Variants in AP3B1 observed in about 807,000 individuals in gnomAD.
AP3B1 encodes the protein adaptor related protein complex 3 subunit beta 1.
Under a neutral mutation model 132.5 loss-of-function variants are expected in AP3B1, and 61 were observed. That is an observed-to-expected ratio of 0.46 (90% CI 0.37 to 0.57). AP3B1 has a LOEUF of 0.57. Ranked by LOEUF, AP3B1 falls within the 20% of genes least tolerant of loss-of-function variation. The pLI is 0.00. For synonymous variants in AP3B1, 388 were observed against 438.3 expected (o/e 0.89, Z 1.43); for missense variants, 1,120 against 1,289.4 (o/e 0.87, Z 2.01).
chr5:78,015,695 T>C (rs754109564), intron 25 of AP3B1, 147 bp from the exon 26 acceptor site: 1 of 751,712 alleles, frequency 1.3e-6, no homozygotes, highest in South Asian at 1.8e-5. Context: ...ATTATAAAAC[T>C]AAAACAAAAT....
At chr5:78,057,520 A>G (rs113469737) in intron 22 of AP3B1, among the ~76,000 whole-genome samples, 75 of 152,290 alleles carry the variant, frequency 4.9e-4, no homozygotes, top group Middle Eastern at 3.4e-3. Flanking sequence ...TCATTTTAAG[A>G]ACAGGATTTC....
intron 7 of AP3B1, among the ~76,000 whole-genome samples, chr5:78,210,601 T>C (rs192313061): frequency 6.6e-6 from 1 of 152,292 alleles, no homozygotes; most frequent in East Asian, 1.9e-4. Flanking sequence ...AAAATAATGG[T>C]AAATATTTAG....
chr5:78,141,174 C>A lies in AP3B1; in HGVS notation c.1619G>T (p.Gly540Val). 6.2e-7 allele frequency: 1 copy of A among 1,613,676 alleles called. No individual in the cohort carries two copies. Among genetic ancestry groups the A allele is most frequent in the Non-Finnish European group, 8.5e-7 (1 of 1,179,706 alleles). Residue 540 changes from glycine (G) to valine (V), a missense_variant, in exon 15 of 27, where the codon GGA (glycine) becomes GTA (valine). By Grantham distance (109) the Gly-to-Val change is moderately radical. Transcript: ENST00000255194. ...DLVKLQILNL[G>V]AKLYLTNSKQ... ...GGAGTTGGTTAAATACAATTTTGCT[C>A]CCAGATTTAATATCTGCAGTTTTAC...
intron 21 of AP3B1, among the ~76,000 whole-genome samples, chr5:78,095,821 C>G (rs973031307): frequency 6.6e-6 from 1 of 152,072 alleles, no homozygotes; most frequent in African/African-American, 2.4e-5. Flanking sequence ...TTTCAAGTGT[C>G]GTTTCTGACA....
intron 20 of AP3B1, among the ~76,000 whole-genome samples, chr5:78,108,737 C>T (rs1049883789): frequency 6.6e-6 from 1 of 152,130 alleles, no homozygotes; most frequent in Non-Finnish European, 1.5e-5. Context: ...AATCACTGAC[C>T]TGGAGTGCCC....
chr5:78,181,674 G>C lies in AP3B1; in HGVS notation c.787-12C>G. ...TCTAATTCATCACCCTACAATGAAA[G>C]AAATCCAACCCAAGATTACTTTAGA... On this transcript the variant is annotated splice_polypyrimidine_tract_variant and intron_variant, in intron 7 of 26. Transcript: ENST00000255194. 1.2e-6 allele frequency: 2 copies of C among 1,609,902 alleles called. No individual in the cohort carries two copies. Among genetic ancestry groups the C allele is most frequent in the Non-Finnish European group, 1.7e-6 (2 of 1,178,928 alleles).
chr5:78,177,553 G>A (rs536017552), intron 8 of AP3B1, 117 bp from the exon 9 acceptor site: 1 of 797,700 alleles, frequency 1.3e-6, no homozygotes, highest in East Asian at 2.7e-5. Flanking sequence ...GACGTAAAAT[G>A]GAATGTTACT....
At chr5:78,225,709 G>A in intron 5 of AP3B1, 101 bp from the exon 6 acceptor site, 1 of 709,082 alleles carries the variant, frequency 1.4e-6, no homozygotes, top group Non-Finnish European at 2.5e-6. Flanking sequence ...AAGAGGGAAA[G>A]GAGAGCAAGA....
intron 22 of AP3B1, among the ~76,000 whole-genome samples, chr5:78,055,845 T>C (rs553731977): frequency 1.4e-4 from 22 of 152,320 alleles, no homozygotes; most frequent in African/African-American, 5.3e-4. Flanking sequence ...AGAATTGTCT[T>C]TAAAATATCA....
intron 3 of AP3B1, among the ~76,000 whole-genome samples, chr5:78,240,613 C>T (rs1747088156): frequency 6.6e-6 from 1 of 152,156 alleles, no homozygotes. Flanking sequence ...CAGGTGAAAA[C>T]TCGACAACTT....
chr5:78,015,655 A>C, intron 25 of AP3B1, 107 bp from the exon 26 acceptor site: 1 of 1,045,530 alleles, frequency 9.6e-7, no homozygotes, highest in Non-Finnish European at 1.4e-6. Flanking sequence ...AACAAAAGAA[A>C]CACTACTTTA....
At chr5:78,191,354 CAAAAAAAAAAA>C (rs34733864) in intron 7 of AP3B1, among the ~76,000 whole-genome samples, 4,352 of 73,082 alleles carry the variant, frequency 0.06, 177 homozygotes, top group East Asian at 0.24. Flanking sequence ...TGCTTTTCCC[CAAAAAAAAAAA>C]AAAAAAAAAA....
intron 24 of AP3B1, among the ~76,000 whole-genome samples, chr5:78,025,924 A>T (rs1430870466): frequency 2.0e-5 from 3 of 152,246 alleles, no homozygotes; most frequent in Admixed American, 2.0e-4. Context: ...GGCTTATAAT[A>T]GAACTAAGAT....
chr5:78,018,192 TTAAC>T (rs923948272), intron 25 of AP3B1, among the ~76,000 whole-genome samples: 12 of 151,972 alleles, frequency 7.9e-5, no homozygotes, highest in South Asian at 2.1e-4. Flanking sequence ...AGCTAGATCA[TTAAC>T]TAATTCTGCA....
chr5:78,029,491 A>G (rs1478609498), intron 24 of AP3B1, among the ~76,000 whole-genome samples: 1 of 150,628 alleles, frequency 6.6e-6, no homozygotes, highest in Non-Finnish European at 1.5e-5. Context: ...CATATGTTAA[A>G]TTTTGTTTTT....
intron 22 of AP3B1, among the ~76,000 whole-genome samples, chr5:78,087,958 T>G (rs1355440203): frequency 1.3e-5 from 2 of 152,194 alleles, no homozygotes; most frequent in Admixed American, 1.3e-4. Context: ...GTAGATAGTA[T>G]TCTCTTAGGA....
At chr5:78,061,666 T>A (rs1428762990) in intron 22 of AP3B1, among the ~76,000 whole-genome samples, 5 of 152,234 alleles carry the variant, frequency 3.3e-5, no homozygotes, top group African/African-American at 1.2e-4. Context: ...TCAGCAGCAC[T>A]GTCAGCGCGC....
chr5:78,226,599 T>G (rs1274247661), intron 5 of AP3B1, among the ~76,000 whole-genome samples: 1 of 152,096 alleles, frequency 6.6e-6, no homozygotes, highest in African/African-American at 2.4e-5. Context: ...GTCTTTGATC[T>G]TCTTCCTCAA....
intron 11 of AP3B1, 81 bp downstream of exon 11, chr5:78,175,545 T>C: frequency 9.3e-7 from 1 of 1,072,414 alleles, no homozygotes; most frequent in Admixed American, 1.9e-5. Flanking sequence ...CAGGACTGCA[T>C]CCCACAGGTG....
Sources: allele counts gnomAD v4.1 joint callset (sites outside exome capture counted in the v4.1 genomes callset), GRCh38; gene constraint gnomAD v4.1.1; transcripts MANE v1.5; gene names NCBI Gene and HGNC (gene_info 2026-07-23, HGNC 2026-07-21).